Variants in PLXDC2 observed in about 807,000 individuals in gnomAD.
PLXDC2 encodes the protein plexin domain-containing protein 2.
Under a neutral mutation model 68.9 loss-of-function variants are expected in PLXDC2, and 40 were observed. The ratio of observed to expected loss-of-function variants is 0.58; its 90% CI spans 0.45 to 0.76. The LOEUF is 0.76. Among genes scored for constraint, PLXDC2 ranks in the 30% least tolerant of loss-of-function variants. The probability of loss-of-function intolerance (pLI) is 0.00; values close to 1 mark genes in which losing one functional copy is unlikely to be tolerated. For missense variants in PLXDC2, 644 were observed against 661.9 expected (o/e 0.97, Z 0.30); for synonymous variants, 243 against 234.2 (o/e 1.04, Z -0.34).
intron 12 of PLXDC2, among the ~76,000 whole-genome samples, chr10:20,224,427 G>T (rs1424162391): frequency 6.6e-6 from 1 of 152,122 alleles, no homozygotes; most frequent in Non-Finnish European, 1.5e-5. Context: ...TTAAAAAAAT[G>T]ACCTAGCTAT....
intron 1 of PLXDC2, among the ~76,000 whole-genome samples, chr10:19,988,071 C>T (rs990505197): frequency 2.0e-5 from 3 of 152,026 alleles, no homozygotes; most frequent in African/African-American, 4.8e-5. Flanking sequence ...AAATGTAATG[C>T]TTTTGTCCTT....
intron 2 of PLXDC2, among the ~76,000 whole-genome samples, chr10:20,034,098 G>T (rs892840663): frequency 1.3e-5 from 2 of 152,064 alleles, no homozygotes; most frequent in Admixed American, 6.6e-5. Context: ...CTCCTTCAAG[G>T]TTTAGCTATA....
chr10:20,188,593 G>T (rs961777437), intron 9 of PLXDC2, among the ~76,000 whole-genome samples: 2 of 151,584 alleles, frequency 1.3e-5, no homozygotes, highest in Non-Finnish European at 3.0e-5. Context: ...GAGCTAAGGG[G>T]CCTGGAAGCT....
chr10:19,817,925 G>T (rs1836386336), intron 1 of PLXDC2, among the ~76,000 whole-genome samples: 1 of 152,330 alleles, frequency 6.6e-6, no homozygotes, highest in African/African-American at 2.4e-5. Flanking sequence ...CATCCTCTTA[G>T]TGGCTGTCCT....
intron 9 of PLXDC2, among the ~76,000 whole-genome samples, chr10:20,196,877 G>C (rs1022560526): frequency 6.6e-6 from 1 of 152,088 alleles, no homozygotes; most frequent in African/African-American, 2.4e-5. Context: ...TTTTTTTCTG[G>C]AAGTAAAAGT....
chr10:19,908,935 G>A (rs1024615495), intron 1 of PLXDC2, among the ~76,000 whole-genome samples: 2 of 152,114 alleles, frequency 1.3e-5, no homozygotes, highest in African/African-American at 4.8e-5. Flanking sequence ...TTAGTTTTGA[G>A]TTTTTGATCA....
intron 1 of PLXDC2, among the ~76,000 whole-genome samples, chr10:19,954,547 A>T (rs77068108): frequency 6.6e-6 from 1 of 152,222 alleles, no homozygotes; most frequent in Non-Finnish European, 1.5e-5. Context: ...AAAACATGGC[A>T]TGAGCGTTAA....
chr10:20,083,463 C>A (rs533385850), intron 4 of PLXDC2, among the ~76,000 whole-genome samples: 3 of 97,122 alleles, frequency 3.1e-5, no homozygotes, highest in Non-Finnish European at 5.1e-5. Context: ...GGCAACAGAG[C>A]GAGACTCCGT....
rs11347602 is a variant in PLXDC2, at chr10:19,882,935, ATT to A, written c.112+65759_112+65760del. ...TACCAAGGAAAATTTGGCAATTAAAATTTTTTTTTTTTTTTTCCTTTCTTTCT... is the reference window on the plus strand; with the variant it reads ...TACCAAGGAAAATTTGGCAATTAAAATTTTTTTTTTTTTTCCTTTCTTTCT... On this transcript the variant is annotated intron_variant, in intron 1 of 13. Transcript: ENST00000377252. 1.9e-3 allele frequency among the ~76,000 whole-genome samples: 209 copies of A among 111,998 alleles called. 5 individuals carry two copies. The South Asian group carries it at 0.027, about 14-fold the overall frequency. 73.5% of individuals were successfully genotyped at this position (111,998 alleles called of 152,430 possible). A position where few individuals can be genotyped will look rare whatever the true frequency, so the allele number is the denominator to read the frequency against.
chr10:19,838,464 G>A (rs1836839918), intron 1 of PLXDC2, among the ~76,000 whole-genome samples: 1 of 152,128 alleles, frequency 6.6e-6, no homozygotes, highest in Non-Finnish European at 1.5e-5. Context: ...TGTAATCAGA[G>A]CAATTTAAGT....
At chr10:19,820,497 G>A (rs1836444236) in intron 1 of PLXDC2, among the ~76,000 whole-genome samples, 1 of 152,034 alleles carries the variant, frequency 6.6e-6, no homozygotes. Flanking sequence ...AGCCGGGCGC[G>A]GTGGCGGGCG....
At chr10:19,887,102 G>C (rs369425117) in intron 1 of PLXDC2, among the ~76,000 whole-genome samples, 1 of 152,254 alleles carries the variant, frequency 6.6e-6, no homozygotes. Flanking sequence ...CACTAGTTAG[G>C]ATATTGGTAT....
At chr10:20,267,783 A>G (rs1414426753) in intron 13 of PLXDC2, among the ~76,000 whole-genome samples, 2 of 152,124 alleles carry the variant, frequency 1.3e-5, no homozygotes, top group African/African-American at 4.8e-5. Context: ...AACAAAAACA[A>G]AAGAAGTTAT....
chr10:20,140,128 CT>C (rs1833982630), intron 4 of PLXDC2, among the ~76,000 whole-genome samples: 2 of 151,598 alleles, frequency 1.3e-5, no homozygotes, highest in African/African-American at 4.8e-5. Context: ...GTAAAACCCC[CT>C]CTCTACTAAA....
chr10:20,117,553 C>A (rs1003697794), intron 4 of PLXDC2, among the ~76,000 whole-genome samples: 4 of 152,144 alleles, frequency 2.6e-5, no homozygotes, highest in Non-Finnish European at 5.9e-5. Context: ...AAACATGGAG[C>A]CATCCACACA....
At chr10:19,934,167 T>A (rs1833687016) in intron 1 of PLXDC2, among the ~76,000 whole-genome samples, 1 of 152,244 alleles carries the variant, frequency 6.6e-6, no homozygotes, top group Non-Finnish European at 1.5e-5. Context: ...AGATATTCCA[T>A]TGATTTACTT....
chr10:19,897,171 G>A (rs1277891408), intron 1 of PLXDC2, among the ~76,000 whole-genome samples: 1 of 151,258 alleles, frequency 6.6e-6, no homozygotes, highest in Admixed American at 6.6e-5. Flanking sequence ...ATTTCAGAAT[G>A]ATATGAGTCT....
chr10:20,003,502 G>A lies in PLXDC2; in HGVS notation c.324+1516G>A, dbSNP rs1156541579. ...GGCTGGAGTGCAGTGGCATGATCTC[G>A]GCTCACTGCAACCTCTGCCTCCTGG... On this transcript the variant is annotated intron_variant, in intron 2 of 13. Transcript: ENST00000377252. Among the ~76,000 whole-genome samples the A allele has an allele frequency of 2.6e-5, 4 of 152,086 alleles. No individual in the cohort carries two copies. In the East Asian group the frequency reaches 5.8e-4, roughly 22 times the overall value.
At chr10:19,946,357 AC>A (rs755674480) in intron 1 of PLXDC2, among the ~76,000 whole-genome samples, 4 of 152,060 alleles carry the variant, frequency 2.6e-5, no homozygotes, top group Admixed American at 1.3e-4. Flanking sequence ...CTTCACTCCA[AC>A]CAAATTAAAT....
Sources: gnomAD v4.1 joint callset for allele counts (sites outside exome capture counted in the v4.1 genomes callset) on GRCh38, gnomAD v4.1.1 for gene constraint, MANE v1.5 for transcripts, NCBI Gene and HGNC (gene_info 2026-07-23, HGNC 2026-07-21) for gene names.